The following RALGPS1 variants were observed in gnomAD, a reference collection of about 807,000 sequenced individuals.
The protein encoded by RALGPS1 is ras-specific guanine nucleotide-releasing factor RalGPS1.
RALGPS1 carries 19 observed loss-of-function variants against 78.8 expected under a neutral mutation model. The ratio of observed to expected loss-of-function variants is 0.24; its 90% CI spans 0.17 to 0.35. The LOEUF (loss-of-function observed/expected upper bound fraction) is 0.35. RALGPS1 is among the 10% of genes least tolerant of loss of function. RALGPS1 has a pLI of 1.00. For synonymous variants in RALGPS1, 228 were observed against 256.3 expected (o/e 0.89, Z 1.06); for missense variants, 454 against 688.3 (o/e 0.66, Z 3.81).
chr9:127,118,043 C>G (rs1186059796), intron 8 of RALGPS1, among the ~76,000 whole-genome samples: 3 of 152,162 alleles, frequency 2.0e-5, no homozygotes, highest in East Asian at 1.9e-4. Context: ...AGGCCTGGCT[C>G]CCCACACCCA....
At chr9:126,928,899 G>A (rs1309865076) in intron 1 of RALGPS1, among the ~76,000 whole-genome samples, 3 of 152,122 alleles carry the variant, frequency 2.0e-5, no homozygotes, top group Non-Finnish European at 2.9e-5. Context: ...ACCACGCCCG[G>A]CCAAGGATAC....
chr9:126,929,027 T>C (rs1201950447), intron 1 of RALGPS1, among the ~76,000 whole-genome samples: 1 of 152,208 alleles, frequency 6.6e-6, no homozygotes, highest in East Asian at 1.9e-4. Context: ...CATATTTCTA[T>C]GGATAAGGTG....
At chr9:127,088,770 A>G (rs2052077281) in intron 8 of RALGPS1, 3 of 733,616 alleles carry the variant, frequency 4.1e-6, no homozygotes, top group Non-Finnish European at 4.5e-6. Flanking sequence ...AAAACACCGT[A>G]TCGATTCAGT....
intron 8 of RALGPS1, among the ~76,000 whole-genome samples, chr9:127,095,319 A>T (rs1038431172): frequency 6.6e-6 from 1 of 152,170 alleles, no homozygotes; most frequent in Non-Finnish European, 1.5e-5. Flanking sequence ...AATCCCTTGA[A>T]TCCAGGAGGT....
intron 8 of RALGPS1, among the ~76,000 whole-genome samples, chr9:127,082,293 C>T (rs1017954602): frequency 6.6e-6 from 1 of 152,212 alleles, no homozygotes; most frequent in African/African-American, 2.4e-5. Context: ...AGAGGAGCTG[C>T]AGCCTGGCAA....
chr9:126,932,367 A>G (rs1255418513), intron 1 of RALGPS1, among the ~76,000 whole-genome samples: 2 of 152,240 alleles, frequency 1.3e-5, no homozygotes, highest in Non-Finnish European at 2.9e-5. Flanking sequence ...CTTATGACCC[A>G]GCAGTTCCAC....
At chr9:126,951,137 A>G (rs2037774611) in intron 1 of RALGPS1, among the ~76,000 whole-genome samples, 3 of 152,004 alleles carry the variant, frequency 2.0e-5, no homozygotes, top group South Asian at 4.2e-4. Flanking sequence ...GAATCTCTGA[A>G]TAGACCAATA....
rs184016199 is a variant in RALGPS1, at chr9:127,098,458, G to T, written c.610+29102G>T. 3.6e-4 allele frequency among the ~76,000 whole-genome samples: 55 copies of T among 152,296 alleles called. No homozygotes were observed. The East Asian group carries it at 9.5e-3, about 26-fold the overall frequency. On this transcript the variant is annotated intron_variant, in intron 8 of 18. Coordinates refer to ENST00000259351, the MANE Select transcript of RALGPS1 (RefSeq NM_014636.3). The stretch of plus-strand genomic sequence containing the variant: ...GGGGAGCTGTGGCCAAATGTTCCAC[G>T]TGAAGAGAAATGCAGCCCCGTGGCT...
chr9:126,982,697 C>T (rs756563269), intron 4 of RALGPS1, among the ~76,000 whole-genome samples: 23 of 151,348 alleles, frequency 1.5e-4, no homozygotes, highest in Non-Finnish European at 2.9e-4. Flanking sequence ...TGCCTCAGCC[C>T]CCTGCCCTGC....
intron 18 of RALGPS1, among the ~76,000 whole-genome samples, chr9:127,215,344 C>G (rs2062517377): frequency 6.6e-6 from 1 of 152,252 alleles, no homozygotes; most frequent in Non-Finnish European, 1.5e-5. Flanking sequence ...CAGGATCTGT[C>G]TTGACATAGG....
intron 4 of RALGPS1, among the ~76,000 whole-genome samples, chr9:127,028,238 TCTC>T (rs1310564514): frequency 2.0e-5 from 3 of 152,216 alleles, no homozygotes; most frequent in African/African-American, 4.8e-5. Flanking sequence ...GTCACCCAGT[TCTC>T]CTCTAGGCTG....
intron 11 of RALGPS1, among the ~76,000 whole-genome samples, chr9:127,191,180 C>T (rs765729777): frequency 5.9e-5 from 9 of 152,090 alleles, no homozygotes; most frequent in Non-Finnish European, 1.0e-4. Context: ...GACTGTGATT[C>T]GCCTTTTAAC....
At chr9:127,100,757 A>C (rs2053641541) in intron 8 of RALGPS1, among the ~76,000 whole-genome samples, 1 of 152,244 alleles carries the variant, frequency 6.6e-6, no homozygotes, top group South Asian at 2.1e-4. Flanking sequence ...ATCCACAGAT[A>C]TGGACAGGTA....
intron 8 of RALGPS1, among the ~76,000 whole-genome samples, chr9:127,101,518 CTTCACCAT>C (rs1487026693): frequency 9.9e-5 from 15 of 152,202 alleles, no homozygotes; most frequent in African/African-American, 3.6e-4. Flanking sequence ...ACCCTCCATC[CTTCACCAT>C]CCTGAGCTGC....
chr9:127,060,750 G>T (rs1163388020), intron 7 of RALGPS1, among the ~76,000 whole-genome samples: 1 of 152,064 alleles, frequency 6.6e-6, no homozygotes, highest in African/African-American at 2.4e-5. Context: ...TCACATCCCT[G>T]GTTAAAGATA....
intron 4 of RALGPS1, among the ~76,000 whole-genome samples, chr9:127,020,820 C>T (rs1473763864): frequency 6.6e-6 from 1 of 152,182 alleles, no homozygotes; most frequent in African/African-American, 2.4e-5. Context: ...AGTCCTGGCT[C>T]TCATATTGAA....
chr9:127,008,295 G>C (rs1365276681), intron 4 of RALGPS1, among the ~76,000 whole-genome samples: 2 of 152,146 alleles, frequency 1.3e-5, no homozygotes, highest in African/African-American at 4.8e-5. Context: ...CAAATAGCTG[G>C]GCTATTCCAT....
intron 8 of RALGPS1, among the ~76,000 whole-genome samples, chr9:127,138,808 C>G (rs575543417): frequency 6.6e-6 from 1 of 152,272 alleles, no homozygotes; most frequent in East Asian, 1.9e-4. Context: ...CAGGAAAAGC[C>G]TGATGTGACA....
chr9:126,931,071 C>T (rs2035746197), intron 1 of RALGPS1, among the ~76,000 whole-genome samples: 1 of 152,204 alleles, frequency 6.6e-6, no homozygotes, highest in Admixed American at 6.5e-5. Context: ...TAGTCAGAGA[C>T]CCAGGTTCCT....
Sources: allele counts gnomAD v4.1 joint callset (sites outside exome capture counted in the v4.1 genomes callset), GRCh38; gene constraint gnomAD v4.1.1; transcripts MANE v1.5; gene names NCBI Gene and HGNC (gene_info 2026-07-23, HGNC 2026-07-21).